PDE4D: variants seen among roughly 807,000 people sequenced by gnomAD.
PDE4D encodes the protein 3',5'-cyclic-AMP phosphodiesterase 4D.
PDE4D carries 24 observed loss-of-function variants against 87.4 expected under a neutral mutation model. The observed-to-expected ratio is 0.27, with a 90% CI of 0.20 to 0.39. The LOEUF is 0.39. Among genes scored for constraint, PDE4D ranks in the 10% least tolerant of loss-of-function variants. The pLI is 1.00. For synonymous variants in PDE4D, 384 were observed against 383.2 expected, an observed-to-expected ratio of 1.00 and a Z score of -0.02; for missense variants, 714 against 1,041.0, an observed-to-expected ratio of 0.69 and a Z score of 4.32.
At chr5:60,336,768 C>A (rs548961006) in intron 1 of PDE4D, among the ~76,000 whole-genome samples, 40 of 152,276 alleles carry the variant, frequency 2.6e-4, no homozygotes, top group Non-Finnish European at 5.0e-4. Context: ...TCACACTTAC[C>A]CTCAATTCTA....
chr5:59,248,042 T>TAA (rs70975306), intron 1 of PDE4D, among the ~76,000 whole-genome samples: 428 of 37,508 alleles, frequency 0.011, 25 homozygotes, highest in Middle Eastern at 0.015. Flanking sequence ...TATCTATTAG[T>TAA]AAAAAAAAAA....
At chr5:60,248,998 C>G (rs1187999900) in intron 1 of PDE4D, among the ~76,000 whole-genome samples, 1 of 152,004 alleles carries the variant, frequency 6.6e-6, no homozygotes, top group Non-Finnish European at 1.5e-5. Context: ...ACCACTGTTT[C>G]CTTCTGTTTC....
chr5:59,959,060 G>A (rs1012233743), intron 3 of PDE4D, among the ~76,000 whole-genome samples: 1 of 151,538 alleles, frequency 6.6e-6, no homozygotes, highest in African/African-American at 2.4e-5. Flanking sequence ...TTCAAACTGA[G>A]ACCTACATCA....
intron 3 of PDE4D, among the ~76,000 whole-genome samples, chr5:59,972,836 ACT>A (rs1460376963): frequency 6.6e-6 from 1 of 152,058 alleles, no homozygotes; most frequent in African/African-American, 2.4e-5. Flanking sequence ...TGGCTATAAA[ACT>A]CTACAAATAT....
At chr5:60,497,875 A>G (rs1490899504) in intron 1 of PDE4D, among the ~76,000 whole-genome samples, 1 of 152,186 alleles carries the variant, frequency 6.6e-6, no homozygotes, top group African/African-American at 2.4e-5. Context: ...ATCTATTGCC[A>G]GGAAAACTTT....
chr5:59,191,322 T>C (rs1744241359), intron 3 of PDE4D, among the ~76,000 whole-genome samples: 4 of 152,046 alleles, frequency 2.6e-5, no homozygotes, highest in Admixed American at 6.6e-5. Context: ...TGCAGCTTAA[T>C]AAATATTACT....
chr5:60,233,623 T>C (rs1306886065), intron 1 of PDE4D, among the ~76,000 whole-genome samples: 2 of 151,556 alleles, frequency 1.3e-5, no homozygotes, highest in Non-Finnish European at 3.0e-5. Flanking sequence ...ACTCTTGAAA[T>C]AAAAGGTAAT....
chr5:60,277,831 A>G (rs1034246210), intron 1 of PDE4D, among the ~76,000 whole-genome samples: 1 of 152,136 alleles, frequency 6.6e-6, no homozygotes, highest in South Asian at 2.1e-4. Context: ...CTTAAAGTGA[A>G]GTATAGAAAC....
intron 1 of PDE4D, among the ~76,000 whole-genome samples, chr5:59,465,948 T>A (rs1206864932): frequency 6.6e-6 from 1 of 152,172 alleles, no homozygotes; most frequent in Non-Finnish European, 1.5e-5. Flanking sequence ...GAGAGCAACA[T>A]GGTTATTCTG....
At chr5:59,907,025 T>C (rs554533360) in intron 3 of PDE4D, among the ~76,000 whole-genome samples, 1 of 152,126 alleles carries the variant, frequency 6.6e-6, no homozygotes, top group African/African-American at 2.4e-5. Flanking sequence ...GTGGTACATA[T>C]ACTCCACAGA....
chr5:59,520,890 C>T (rs1812101108), intron 1 of PDE4D, among the ~76,000 whole-genome samples: 1 of 151,750 alleles, frequency 6.6e-6, no homozygotes, highest in Non-Finnish European at 1.5e-5. Context: ...CATATATACA[C>T]ATATATACAC....
intron 2 of PDE4D, among the ~76,000 whole-genome samples, chr5:60,052,201 T>C (rs1770249150): frequency 6.6e-6 from 1 of 151,534 alleles, no homozygotes; most frequent in Non-Finnish European, 1.5e-5. Context: ...GAAGCCAGTA[T>C]CATCCTGAAG....
chr5:60,346,112 A>G (rs1374142892), intron 1 of PDE4D, among the ~76,000 whole-genome samples: 1 of 152,210 alleles, frequency 6.6e-6, no homozygotes, highest in Non-Finnish European at 1.5e-5. Flanking sequence ...TTAAAAATAC[A>G]TATGCAACAT....
rs79447845 is a variant in PDE4D at position 59,787,813 on chromosome 5, G to A, written c.455+105355C>T. ...TTTTATATAGGCATCTCACTACAAC[G>A]ACCTTAGAGGTGGCATAAACTGAAA... On this transcript the variant is annotated intron_variant, in intron 1 of 14. Coordinates refer to ENST00000340635, the MANE Select transcript of PDE4D (RefSeq NM_001104631.2). 8.5e-3 allele frequency among the ~76,000 whole-genome samples: 1,292 copies of A among 152,194 alleles called. 22 individuals carry two copies. The highest frequency in any genetic ancestry group is 0.03 in the African/African-American group (1,237 of 41,510).
chr5:60,409,923 T>C (rs144012889), intron 1 of PDE4D, among the ~76,000 whole-genome samples: 2 of 152,230 alleles, frequency 1.3e-5, no homozygotes, highest in East Asian at 3.9e-4. Flanking sequence ...TGTGTGTGCC[T>C]TAAAGACTCT....
intron 1 of PDE4D, chr5:59,592,151 C>T (rs73099646): frequency 2.0e-6 from 2 of 984,380 alleles, no homozygotes; most frequent in Non-Finnish European, 2.4e-6. Flanking sequence ...AAGCCAATCC[C>T]CCAGGAACAG....
chr5:59,420,953 T>C (rs1794392810), intron 1 of PDE4D, among the ~76,000 whole-genome samples: 2 of 152,170 alleles, frequency 1.3e-5, no homozygotes, highest in African/African-American at 4.8e-5. Context: ...TTAAATAATT[T>C]ATTATCGCAC....
At chr5:59,072,533 A>T (rs1765019969) in intron 5 of PDE4D, among the ~76,000 whole-genome samples, 1 of 152,194 alleles carries the variant, frequency 6.6e-6, no homozygotes, top group Admixed American at 6.5e-5. Context: ...TTTTACATTC[A>T]TCAGGAAGTA....
intron 1 of PDE4D, among the ~76,000 whole-genome samples, chr5:59,700,286 G>GTAT (rs1333157040): frequency 6.6e-6 from 1 of 152,068 alleles, no homozygotes; most frequent in Non-Finnish European, 1.5e-5. Flanking sequence ...ACATTTTGTG[G>GTAT]TATTATTATT....
Sources: allele counts gnomAD v4.1 joint callset (sites outside exome capture counted in the v4.1 genomes callset), GRCh38; gene constraint gnomAD v4.1.1; transcripts MANE v1.5; gene names NCBI Gene and HGNC (gene_info 2026-07-23, HGNC 2026-07-21).